The following NSUN6 variants were observed in gnomAD, a reference collection of about 807,000 sequenced individuals.
The protein encoded by NSUN6 is tRNA (cytosine(72)-C(5))-methyltransferase NSUN6.
A neutral mutation model predicts 58.0 loss-of-function variants in NSUN6; 64 were observed. The ratio of observed to expected loss-of-function variants is 1.10; its 90% CI spans 0.90 to 1.36. The LOEUF (loss-of-function observed/expected upper bound fraction) is 1.36. Ranked by LOEUF, NSUN6 falls within the 40% of genes most tolerant of loss-of-function variation. NSUN6 has a pLI of 0.00. For synonymous variants in NSUN6, 231 were observed against 193.9 expected, an observed-to-expected ratio of 1.19 and a Z score of -1.59; for missense variants, 701 against 550.1, an observed-to-expected ratio of 1.27 and a Z score of -2.74.
At chr10:18,557,737 A>T (rs2133479344) in intron 8 of NSUN6, among the ~76,000 whole-genome samples, 1 of 151,086 alleles carries the variant, frequency 6.6e-6, no homozygotes, top group South Asian at 2.1e-4. Context: ...GGAATGGAGA[A>T]TGAACTGGAA....
chr10:18,607,530 C>A (rs552773263), intron 6 of NSUN6, among the ~76,000 whole-genome samples: 4 of 152,278 alleles, frequency 2.6e-5, no homozygotes, highest in African/African-American at 9.6e-5. Flanking sequence ...AAAAGATCAA[C>A]TAACTAAACA....
At chr10:18,611,173 G>A (rs900542116) in intron 5 of NSUN6, among the ~76,000 whole-genome samples, 4 of 152,124 alleles carry the variant, frequency 2.6e-5, no homozygotes, top group African/African-American at 9.6e-5. Context: ...TCCAGCCTGG[G>A]CAACGAGCAC....
At chr10:18,650,361 G>A (rs1413904422) in intron 1 of NSUN6, among the ~76,000 whole-genome samples, 1 of 152,180 alleles carries the variant, frequency 6.6e-6, no homozygotes, top group Admixed American at 6.5e-5. Context: ...GAGGACTTTA[G>A]CAAATAAAAT....
intron 3 of NSUN6, among the ~76,000 whole-genome samples, chr10:18,640,912 CT>C (rs1475000055): frequency 6.6e-6 from 1 of 151,294 alleles, no homozygotes; most frequent in African/African-American, 2.4e-5. Flanking sequence ...TATTTCCCCC[CT>C]CTCTCCCAAT....
chr10:18,651,027 G>C (rs1443805442), intron 1 of NSUN6, 102 bp downstream of exon 1: 29 of 1,397,958 alleles, frequency 2.1e-5, no homozygotes, highest in Admixed American at 1.3e-4. Flanking sequence ...AGTAAGGAAC[G>C]ACGGCTGTCA....
chr10:18,597,627 A>G (rs4475829), intron 6 of NSUN6, among the ~76,000 whole-genome samples: 94,252 of 152,026 alleles, frequency 0.62, 29,636 homozygotes, highest in East Asian at 0.98. Context: ...TTAGCTGGGC[A>G]TGGTGGCACA....
intron 5 of NSUN6, among the ~76,000 whole-genome samples, chr10:18,611,570 C>T (rs750134072): frequency 5.9e-5 from 9 of 152,148 alleles, no homozygotes; most frequent in South Asian, 2.1e-4. Context: ...CACTCTGTCA[C>T]GCAGGCTGGA....
At position 18,586,088 on chromosome 10, in the gene NSUN6, T is replaced by C. The variant is rs1218508969; in HGVS notation, c.783A>G (p.Glu261=). 1 of 1,568,728 alleles carries C rather than the reference T, an allele frequency of 6.4e-7. No individual in the cohort carries two copies. Among genetic ancestry groups the C allele is most frequent in the Non-Finnish European group, 8.6e-7 (1 of 1,163,034 alleles). ...HIAALMHDQG[E]VIALDKIFNK... is the part of the protein sequence containing the mutation. ...TGAAGATTTTATCCAGTGCTATAAC[T>C]TCTCCCTAAAAAGAAACAAAACACA... Residue 261 remains glutamate (E), a synonymous_variant, in exon 8 of 11, where the codon GAA becomes GAG. Coordinates refer to ENST00000377304, the MANE Select transcript of NSUN6 (RefSeq NM_182543.5).
chr10:18,639,970 T>A (rs997574653), intron 3 of NSUN6, among the ~76,000 whole-genome samples: 6 of 152,160 alleles, frequency 3.9e-5, no homozygotes, highest in Non-Finnish European at 8.8e-5. Flanking sequence ...AGTACACAAA[T>A]ATTCACTCTA....
At chr10:18,548,017 G>A (rs1305840902) in intron 10 of NSUN6, 95 bp downstream of exon 10, 1 of 1,225,516 alleles carries the variant, frequency 8.2e-7, no homozygotes, top group Non-Finnish European at 1.2e-6. Flanking sequence ...CACTTTGGAA[G>A]TTTTACTTAT....
upstream of NSUN6, chr10:18,651,697 G>T (rs1010251392): frequency 4.1e-6 from 4 of 985,394 alleles, no homozygotes; most frequent in Non-Finnish European, 4.8e-6. Flanking sequence ...ATCCACAGCC[G>T]CAAGTTTCCC....
intron 3 of NSUN6, among the ~76,000 whole-genome samples, chr10:18,638,299 G>GGGCAT (rs1449167144): frequency 1.3e-5 from 2 of 151,984 alleles, no homozygotes; most frequent in African/African-American, 4.8e-5. Flanking sequence ...AAAATTAGCT[G>GGGCAT]GGCATGGTGG....
intron 9 of NSUN6, among the ~76,000 whole-genome samples, chr10:18,551,174 T>C (rs1370906552): frequency 6.6e-6 from 1 of 151,530 alleles, no homozygotes; most frequent in African/African-American, 2.4e-5. Flanking sequence ...AATTCTACTA[T>C]TGCCTGTATA....
intron 6 of NSUN6, among the ~76,000 whole-genome samples, chr10:18,605,485 C>T (rs2058015876): frequency 6.6e-6 from 1 of 152,152 alleles, no homozygotes; most frequent in African/African-American, 2.4e-5. Context: ...AGGCAAAAAT[C>T]ATCAATGGAT....
chr10:18,618,540 G>A (rs955381774), intron 3 of NSUN6, among the ~76,000 whole-genome samples: 1 of 151,878 alleles, frequency 6.6e-6, no homozygotes, highest in Non-Finnish European at 1.5e-5. Context: ...AAATTACCCA[G>A]GCATGGTGGC....
intron 7 of NSUN6, among the ~76,000 whole-genome samples, chr10:18,587,029 C>T (rs1028432033): frequency 3.3e-5 from 5 of 152,216 alleles, no homozygotes; most frequent in Non-Finnish European, 5.9e-5. Flanking sequence ...ATATCCAATT[C>T]ACATTAAATA....
intron 3 of NSUN6, among the ~76,000 whole-genome samples, chr10:18,633,693 G>T (rs1447100451): frequency 6.6e-6 from 1 of 152,100 alleles, no homozygotes; most frequent in Non-Finnish European, 1.5e-5. Context: ...GAGGAGTCAA[G>T]TCTGAAAGAA....
At chr10:18,634,987 A>G (rs887730834) in intron 3 of NSUN6, among the ~76,000 whole-genome samples, 3 of 152,186 alleles carry the variant, frequency 2.0e-5, no homozygotes, top group East Asian at 1.9e-4. Context: ...CCCTAATGAT[A>G]AATAAGAGTG....
At chr10:18,558,597 T>C (rs1421950910) in intron 8 of NSUN6, among the ~76,000 whole-genome samples, 1 of 143,380 alleles carries the variant, frequency 7.0e-6, no homozygotes, top group Non-Finnish European at 1.5e-5. Context: ...GAAATGGAGG[T>C]TGGTAAGGAT....
Sources: gnomAD v4.1 joint callset for allele counts (sites outside exome capture counted in the v4.1 genomes callset) on GRCh38, gnomAD v4.1.1 for gene constraint, MANE v1.5 for transcripts, NCBI Gene and HGNC (gene_info 2026-07-23, HGNC 2026-07-21) for gene names.